COL18A1: variants seen among roughly 807,000 people sequenced by gnomAD.
COL18A1 encodes collagen alpha-1(XVIII) chain.
Under a neutral mutation model 168.0 loss-of-function variants are expected in COL18A1, and 133 were observed. The observed-to-expected ratio is 0.79, with a 90% CI of 0.69 to 0.91. COL18A1 has a LOEUF of 0.91. COL18A1 is among the 40% of genes least tolerant of loss of function. The pLI, the probability that COL18A1 is intolerant of heterozygous loss-of-function variation, is 0.00. For missense variants in COL18A1, 2,126 were observed against 1,925.4 expected (o/e 1.10, Z -1.95); for synonymous variants, 949 against 809.0 (o/e 1.17, Z -2.94).
In COL18A1 at chr21:45,471,593, C is replaced by T. The variant is rs2035430697; in HGVS notation, c.652-2302C>T. On this transcript the variant is annotated intron_variant, in intron 3 of 41. Coordinates refer to ENST00000651438, the MANE Select transcript of COL18A1 (RefSeq NM_001379500.1). This position sits in a 1 kb window ranked among gnomAD's most constrained non-coding sequence, Gnocchi z 4.4. Reference sequence around the variant, plus strand: ...CCGGAGCATTGGTTGTGTTCCTCGTCCTAAGAGTCCTTGGGCGTTGTTGGT... The same window carrying T: ...CCGGAGCATTGGTTGTGTTCCTCGTTCTAAGAGTCCTTGGGCGTTGTTGGT... Among the ~76,000 whole-genome samples the T allele has an allele frequency of 6.6e-6, 1 of 152,164 alleles. No individual in the cohort carries two copies. Among genetic ancestry groups the T allele is most frequent in the Admixed American group, 6.5e-5 (1 of 15,278 alleles).
rs4819119 is a variant in COL18A1, at chr21:45,463,239, A to G, written c.107-5003A>G. Among the ~76,000 whole-genome samples the G allele has an allele frequency of 0.23, 34,423 of 152,168 alleles. 5,486 individuals carry two copies. The highest frequency in any genetic ancestry group is 0.45 in the African/African-American group (18,793 of 41,472). On this transcript the variant is annotated intron_variant, in intron 2 of 41. Coordinates refer to ENST00000651438, the MANE Select transcript of COL18A1 (RefSeq NM_001379500.1). The surrounding 1 kb of genome is among the most constrained non-coding windows in gnomAD (Gnocchi z 4.0). ...ATCTGTGATCCCAGGCAACCTGATC[A>G]GAGCACAGGTTCTCGATGTCTGCAG...
chr21:45,405,539 TC>T, intron 2 of COL18A1, 66 bp downstream of exon 2: 1 of 1,035,774 alleles, frequency 9.7e-7, no homozygotes, highest in Non-Finnish European at 1.2e-6. Flanking sequence ...CTGGCTGGGG[TC>T]CCCGCCCGGC....
intron 14 of COL18A1, 101 bp from the exon 15 acceptor site, chr21:45,482,694 G>T (rs1602506140): frequency 6.4e-7 from 1 of 1,568,798 alleles, no homozygotes; most frequent in East Asian, 2.3e-5. Context: ...AGCAAAGCAG[G>T]GACCCGGGTC....
At chr21:45,490,977 C>T (rs1163711927) in intron 21 of COL18A1, 106 bp downstream of exon 21, 2 of 1,142,090 alleles carry the variant, frequency 1.8e-6, no homozygotes, top group Admixed American at 2.0e-5. Flanking sequence ...CATGTGACCT[C>T]AGAGACTCAG....
intron 34 of COL18A1, 135 bp from the exon 35 acceptor site, chr21:45,504,999 G>T (rs537708812): frequency 1.8e-6 from 2 of 1,123,230 alleles, no homozygotes; most frequent in Non-Finnish European, 1.3e-6. Flanking sequence ...AGGCTATGGC[G>T]TGGGCAGGGA....
At chr21:45,497,689 G>A (rs1348047702) in intron 32 of COL18A1, 28 bp downstream of exon 32, 1 of 1,555,634 alleles carries the variant, frequency 6.4e-7, no homozygotes, top group Admixed American at 1.9e-5. Flanking sequence ...TCCCAGGCAG[G>A]AGAGCCATGG....
rs894788704 is a variant in COL18A1, at chr21:45,454,497, G to A, written c.107-13745G>A. 2.2e-4 allele frequency among the ~76,000 whole-genome samples: 33 copies of A among 152,218 alleles called. 1 individual carries two copies. The highest frequency in any genetic ancestry group is 2.4e-5 in the African/African-American group (1 of 41,454). ...TGTGGGGTGAAACCTGGGTGTGTGC[G>A]TGTGAGGATGCACATGTGTGAACGT... On this transcript the variant is annotated intron_variant, in intron 2 of 41. Coordinates refer to ENST00000651438, the MANE Select transcript of COL18A1 (RefSeq NM_001379500.1).
intron 2 of COL18A1, among the ~76,000 whole-genome samples, chr21:45,440,663 C>T (rs1015850494): frequency 2.0e-5 from 3 of 151,932 alleles, no homozygotes; most frequent in Non-Finnish European, 4.4e-5. Flanking sequence ...GGGTTTGAGC[C>T]ACGTTCCCCG....
In COL18A1 at chr21:45,498,018, C is replaced by G. The variant is rs9981642; in HGVS notation, c.2683+357C>G. On this transcript the variant is annotated intron_variant, in intron 32 of 41. Transcript: ENST00000651438. This position sits in a 1 kb window ranked among gnomAD's most constrained non-coding sequence, Gnocchi z 4.5. Reference sequence around the variant, plus strand: ...GGGCCGGGGGTCGGCACTGGAGGACCCTCTGTCGAGAAACTCTCCAGGGTT... The same window carrying G: ...GGGCCGGGGGTCGGCACTGGAGGACGCTCTGTCGAGAAACTCTCCAGGGTT... Among the ~76,000 whole-genome samples the G allele has an allele frequency of 5.9e-4, 89 of 152,024 alleles. No individual in the cohort carries two copies. The highest frequency in any genetic ancestry group is 2.1e-3 in the African/African-American group (88 of 41,462).
intron 14 of COL18A1, among the ~76,000 whole-genome samples, chr21:45,482,545 C>T (rs1467812778): frequency 2.0e-5 from 3 of 152,218 alleles, no homozygotes; most frequent in African/African-American, 4.8e-5. Flanking sequence ...CATCCAGGCC[C>T]CAGGCCCCAC....
In COL18A1 at chr21:45,456,138, C is replaced by T. The variant is rs772920092; in HGVS notation, c.107-12104C>T. On this transcript the variant is annotated intron_variant, in intron 2 of 41. Coordinates refer to ENST00000651438, the MANE Select transcript of COL18A1 (RefSeq NM_001379500.1). ...CCTCCCTCCCTGGGCAGGCCCTGGG[C>T]ACCACTCACGGGGCCCTCAGTGCCA... 4.4e-6 allele frequency: 7 copies of T among 1,583,896 alleles called. No individual in the cohort carries two copies. In the African/African-American group the frequency reaches 6.7e-5, roughly 15 times the overall value.
intron 2 of COL18A1, among the ~76,000 whole-genome samples, chr21:45,452,989 T>C (rs1374120501): frequency 6.6e-6 from 1 of 151,966 alleles, no homozygotes; most frequent in African/African-American, 2.4e-5. Flanking sequence ...TATTCACATG[T>C]GACATGTGAG....
At chr21:45,487,032 G>A (rs2036139011) in intron 16 of COL18A1, 40 bp downstream of exon 16, 11 of 1,478,228 alleles carry the variant, frequency 7.4e-6, no homozygotes, top group South Asian at 4.2e-5. Context: ...AGAGCCGGGG[G>A]CTGCCGTTGC....
At chr21:45,481,323 G>A (rs538031669) in intron 13 of COL18A1, among the ~76,000 whole-genome samples, 81 of 152,286 alleles carry the variant, frequency 5.3e-4, no homozygotes, top group Non-Finnish European at 8.8e-4. Flanking sequence ...CTGGCAGCAG[G>A]TGCCTGCCCC....
chr21:45,485,552 A>G (rs1010803837), intron 15 of COL18A1, among the ~76,000 whole-genome samples: 1 of 152,312 alleles, frequency 6.6e-6, no homozygotes, highest in African/African-American at 2.4e-5. Context: ...AGGCACTAAG[A>G]CAGATTAAAG....
At chr21:45,489,827 C>T (rs1358129440) in intron 19 of COL18A1, among the ~76,000 whole-genome samples, 7 of 146,490 alleles carry the variant, frequency 4.8e-5, no homozygotes, top group Non-Finnish European at 7.6e-5. Context: ...TCCTTTTCCC[C>T]GACTTCCCCC....
chr21:45,470,611 C>T (rs897173886), intron 3 of COL18A1, among the ~76,000 whole-genome samples: 31 of 151,682 alleles, frequency 2.0e-4, no homozygotes, highest in Admixed American at 1.8e-3. Flanking sequence ...CTCAGCCTCC[C>T]AAGTAGCTGG....
At chr21:45,462,730 C>T (rs1361429806) in intron 2 of COL18A1, among the ~76,000 whole-genome samples, 4 of 152,136 alleles carry the variant, frequency 2.6e-5, no homozygotes, top group African/African-American at 7.2e-5. Context: ...AGTAGATCTG[C>T]CATCAGGTCT....
rs1171834439 is a variant in COL18A1, at chr21:45,423,196, T to C, written c.106+17723T>C. Among the ~76,000 whole-genome samples the C allele has an allele frequency of 1.3e-5, 2 of 152,080 alleles. No homozygotes were observed. The highest frequency in any genetic ancestry group is 4.8e-5 in the African/African-American group (2 of 41,398). On this transcript the variant is annotated intron_variant, in intron 2 of 41. Coordinates refer to ENST00000651438, the MANE Select transcript of COL18A1 (RefSeq NM_001379500.1). This position sits in a 1 kb window ranked among gnomAD's most constrained non-coding sequence, Gnocchi z 4.0. ...AGCTTGGAAATGGTGTCCTGGAGCT[T>C]AAGGGAGTTGGAAACCATGGCTTAT...
Sources: allele counts gnomAD v4.1 joint callset (sites outside exome capture counted in the v4.1 genomes callset), GRCh38; gene constraint gnomAD v4.1.1; non-coding constraint Gnocchi (gnomAD v3.1); transcripts MANE v1.5; gene names NCBI Gene and HGNC (gene_info 2026-07-23, HGNC 2026-07-21).